Variants in SLIT3 observed in about 807,000 individuals in gnomAD.
The protein encoded by SLIT3 is slit guidance ligand 3, also known as slit homolog 3 protein.
A neutral mutation model predicts 184.0 loss-of-function variants in SLIT3; 68 were observed. That is an observed-to-expected ratio of 0.37 (90% CI 0.30 to 0.45). SLIT3 has a LOEUF of 0.45. Ranked by LOEUF, SLIT3 falls within the 20% of genes least tolerant of loss-of-function variation. The probability of loss-of-function intolerance (pLI) is 1.00; values close to 1 mark genes in which losing one functional copy is unlikely to be tolerated. For synonymous variants in SLIT3, 831 were observed against 828.6 expected (o/e 1.00, Z -0.05); for missense variants, 1,707 against 2,026.0 (o/e 0.84, Z 3.02).
intron 4 of SLIT3, among the ~76,000 whole-genome samples, chr5:168,980,760 A>T (rs1239366934): frequency 6.6e-6 from 1 of 152,254 alleles, no homozygotes; most frequent in Admixed American, 6.5e-5. Context: ...TTGGGAGAAA[A>T]GTAATTATAT....
chr5:169,207,347 T>C (rs1208786778), intron 3 of SLIT3, among the ~76,000 whole-genome samples: 1 of 149,226 alleles, frequency 6.7e-6, no homozygotes, highest in South Asian at 2.1e-4. Flanking sequence ...CCACTATCTT[T>C]CTCTGTTTTA....
intron 4 of SLIT3, among the ~76,000 whole-genome samples, chr5:168,886,023 G>C (rs1280933981): frequency 6.6e-6 from 1 of 152,142 alleles, no homozygotes; most frequent in Non-Finnish European, 1.5e-5. Flanking sequence ...AACCAGCCTT[G>C]CTCCTACTTT....
At position 168,662,499 on chromosome 5, in the gene SLIT3, C is replaced by T. The variant is rs1760898896; in HGVS notation, c.*3955G>A. The T allele has an allele frequency of 6.6e-6, 1 of 152,058 alleles. No homozygotes were observed. Among genetic ancestry groups the T allele is most frequent in the South Asian group, 2.1e-4 (1 of 4,816 alleles). 9.4% of individuals were successfully genotyped at this position (152,058 alleles called of 1,614,324 possible). ...AGCTTGGGAGTTATCCCTCTTCTTG[C>T]CCTTCTTCTCATCTTTTTGAAGCAT... On this transcript the variant is annotated 3_prime_UTR_variant, in exon 36 of 36. Transcript: ENST00000519560.
chr5:168,684,238 T>G (rs1483467026), intron 31 of SLIT3, 142 bp from the exon 32 acceptor site: 5 of 878,182 alleles, frequency 5.7e-6, no homozygotes, highest in Non-Finnish European at 8.1e-6. Context: ...CTCCTCCATC[T>G]AGTCAGTAAA....
intron 4 of SLIT3, among the ~76,000 whole-genome samples, chr5:168,913,158 C>A (rs1761309878): frequency 6.7e-6 from 1 of 148,804 alleles, no homozygotes; most frequent in South Asian, 2.4e-4. Context: ...TAGGTTGGTG[C>A]AAAACTAATT....
chr5:169,275,513 C>T (rs181368251), intron 1 of SLIT3, among the ~76,000 whole-genome samples: 12 of 152,246 alleles, frequency 7.9e-5, no homozygotes, highest in East Asian at 5.8e-4. Context: ...TGTTTTTTTA[C>T]GCCGCTGATA....
chr5:169,299,513 C>A (rs1339916179), intron 1 of SLIT3, among the ~76,000 whole-genome samples: 1 of 152,070 alleles, frequency 6.6e-6, no homozygotes, highest in Admixed American at 6.5e-5. Context: ...CTAGAGCAAA[C>A]CCTCACCCAC....
chr5:169,185,398 G>A lies in SLIT3; in HGVS notation c.413+8081C>T, dbSNP rs143328007. Among the ~76,000 whole-genome samples the A allele has an allele frequency of 1.1e-3, 164 of 152,272 alleles. 1 individual carries two copies. Among genetic ancestry groups the A allele is most frequent in the African/African-American group, 3.7e-3 (152 of 41,550 alleles). ...CCCGGCCTCTGAAATCCATGCCAGC[G>A]CACAAGGGAGCAGGTCTCCGCATCC... On this transcript the variant is annotated intron_variant, in intron 4 of 35. Transcript: ENST00000519560.
chr5:168,664,725 GA>G lies in SLIT3; in HGVS notation c.*1728del, dbSNP rs1760980805. 1 of 152,278 alleles carries G rather than the reference GA, an allele frequency of 6.6e-6. No homozygotes were observed. The highest frequency in any genetic ancestry group is 1.9e-4 in the East Asian group (1 of 5,192). The allele number at this position is 152,278 out of a possible 1,614,324, so 9.4% of individuals were successfully genotyped here. The stretch of plus-strand genomic sequence containing the variant: ...GAAGCTCCTGGGGGAAGGAGGGATG[GA>G]TGATAAGAGCCAGGGAGTTGGTGTG... On this transcript the variant is annotated 3_prime_UTR_variant, in exon 36 of 36. Transcript: ENST00000519560.
chr5:169,291,301 A>G (rs1451052408), intron 1 of SLIT3, among the ~76,000 whole-genome samples: 1 of 152,174 alleles, frequency 6.6e-6, no homozygotes, highest in Non-Finnish European at 1.5e-5. Flanking sequence ...GAGGCGGAAA[A>G]TATTATTCAG....
At chr5:169,150,464 T>C (rs1762077391) in intron 4 of SLIT3, among the ~76,000 whole-genome samples, 3 of 152,008 alleles carry the variant, frequency 2.0e-5, no homozygotes, top group African/African-American at 7.3e-5. Context: ...ATGGTCTCTG[T>C]CCCAGACTGG....
chr5:169,215,411 C>G (rs1764403268), intron 3 of SLIT3, among the ~76,000 whole-genome samples: 1 of 152,204 alleles, frequency 6.6e-6, no homozygotes, highest in African/African-American at 2.4e-5. Flanking sequence ...CTATAATTTT[C>G]TATTTATTTG....
chr5:168,895,289 A>G lies in SLIT3; in HGVS notation c.414-11953T>C, dbSNP rs536069293. Reference sequence around the variant, plus strand: ...GCCCACTCTGTTCCACTGAGGAAACATGAACATGCCAGGGCAGGGTGGGGA... The same window carrying G: ...GCCCACTCTGTTCCACTGAGGAAACGTGAACATGCCAGGGCAGGGTGGGGA... On this transcript the variant is annotated intron_variant, in intron 4 of 35. Coordinates refer to ENST00000519560, the MANE Select transcript of SLIT3 (RefSeq NM_003062.4). Among the ~76,000 whole-genome samples the G allele has an allele frequency of 2.6e-4, 40 of 152,280 alleles. No individual in the cohort carries two copies. In the South Asian group the frequency reaches 8.1e-3, roughly 31 times the overall value.
chr5:168,957,479 G>A (rs1430776410), intron 4 of SLIT3, among the ~76,000 whole-genome samples: 1 of 152,194 alleles, frequency 6.6e-6, no homozygotes, highest in African/African-American at 2.4e-5. Context: ...TCCCCCAGGG[G>A]ATCCTCTGAA....
chr5:168,978,611 G>A (rs1048308437), intron 4 of SLIT3, among the ~76,000 whole-genome samples: 1 of 152,194 alleles, frequency 6.6e-6, no homozygotes, highest in African/African-American at 2.4e-5. Context: ...CACATAAGGA[G>A]AGAAGGATCA....
At chr5:169,263,353 AGAC>A (rs1766263795) in intron 1 of SLIT3, among the ~76,000 whole-genome samples, 1 of 152,046 alleles carries the variant, frequency 6.6e-6, no homozygotes, top group Admixed American at 6.5e-5. Context: ...AATAATAAAA[AGAC>A]GACGAGACAG....
At chr5:169,186,784 G>A (rs1763353260) in intron 4 of SLIT3, among the ~76,000 whole-genome samples, 1 of 152,202 alleles carries the variant, frequency 6.6e-6, no homozygotes, top group Non-Finnish European at 1.5e-5. Flanking sequence ...GAGTTCAGAG[G>A]AGGACTCAGC....
At chr5:168,826,517 G>A (rs1283168840) in intron 6 of SLIT3, among the ~76,000 whole-genome samples, 1 of 152,206 alleles carries the variant, frequency 6.6e-6, no homozygotes, top group African/African-American at 2.4e-5. Context: ...CCAAGGAGAG[G>A]TGGTGAGCAT....
intron 4 of SLIT3, among the ~76,000 whole-genome samples, chr5:169,064,628 T>C (rs892888721): frequency 6.6e-5 from 10 of 152,146 alleles, no homozygotes; most frequent in African/African-American, 2.4e-4. Context: ...ACTGGCTGTA[T>C]GATGAGTGTT....
Sources: allele counts gnomAD v4.1 joint callset (sites outside exome capture counted in the v4.1 genomes callset), GRCh38; gene constraint gnomAD v4.1.1; transcripts MANE v1.5; gene names NCBI Gene and HGNC (gene_info 2026-07-23, HGNC 2026-07-21).